OTULIN: variants seen among roughly 807,000 people sequenced by gnomAD.
OTULIN encodes the protein ubiquitin thioesterase otulin.
A neutral mutation model predicts 39.6 loss-of-function variants in OTULIN; 15 were observed. The ratio of observed to expected loss-of-function variants is 0.38; its 90% CI spans 0.25 to 0.58. The LOEUF is 0.58. OTULIN is among the 20% of genes least tolerant of loss of function. OTULIN has a pLI of 0.66. For synonymous variants in OTULIN, 156 were observed against 170.3 expected (o/e 0.92, Z 0.65); for missense variants, 319 against 445.9 (o/e 0.72, Z 2.56).
At chr5:14,703,983 G>A (rs1439783402), downstream of OTULIN, among the ~76,000 whole-genome samples, 1 of 152,092 alleles carries the variant, frequency 6.6e-6, no homozygotes, top group Non-Finnish European at 1.5e-5. Flanking sequence ...CTTATGAGGA[G>A]CTAAAAAAAA....
the OTULIN span, chr5:14,710,363 GAA>G: frequency 6.6e-6 from 1 of 152,226 alleles, no homozygotes; most frequent in Admixed American, 6.5e-5. Flanking sequence ...AAGCCTTCAG[GAA>G]AAGTCATGCG....
At chr5:14,687,694 T>A in intron 5 of OTULIN, 48 bp downstream of exon 5, 1 of 1,530,182 alleles carries the variant, frequency 6.5e-7, no homozygotes, top group South Asian at 1.3e-5. Flanking sequence ...GCTCTCGTTC[T>A]TGCTTGCCCC....
downstream of OTULIN, among the ~76,000 whole-genome samples, chr5:14,703,870 C>T (rs1379145760): frequency 6.6e-6 from 1 of 152,060 alleles, no homozygotes; most frequent in Admixed American, 6.5e-5. Flanking sequence ...GGGATTTTAA[C>T]AAAAGGAGCA....
intron 1 of OTULIN, among the ~76,000 whole-genome samples, chr5:14,671,439 C>G (rs569368112): frequency 1.3e-4 from 20 of 152,290 alleles, no homozygotes; most frequent in African/African-American, 3.6e-4. Context: ...GATAATGATA[C>G]TATGAAAGTG....
At chr5:14,679,357 A>G (rs1256339111) in intron 3 of OTULIN, among the ~76,000 whole-genome samples, 4 of 152,178 alleles carry the variant, frequency 2.6e-5, no homozygotes. Context: ...TACACCACAC[A>G]GCTGATCAAG....
intron 1 of OTULIN, among the ~76,000 whole-genome samples, chr5:14,666,028 G>T (rs889184439): frequency 6.6e-6 from 1 of 152,222 alleles, no homozygotes; most frequent in African/African-American, 2.4e-5. Context: ...AGACTCTGCA[G>T]AGGGTTAAAT....
At chr5:14,702,274 A>G (rs1307867893), downstream of OTULIN, among the ~76,000 whole-genome samples, 1 of 152,090 alleles carries the variant, frequency 6.6e-6, no homozygotes, top group African/African-American at 2.4e-5. Context: ...GTGTACAGGG[A>G]TGGGCTGAAG....
At chr5:14,713,750 C>T in the OTULIN span, 102 of 1,598,084 alleles carry the variant, frequency 6.4e-5, 1 homozygote, top group East Asian at 8.5e-4. The surrounding 1 kb of genome is among the most constrained non-coding windows in gnomAD (Gnocchi z 4.4). Flanking sequence ...GCAGCACATC[C>T]GAGAGCCAGG....
chr5:14,701,101 T>C (rs1372567350), downstream of OTULIN, among the ~76,000 whole-genome samples: 1 of 152,202 alleles, frequency 6.6e-6, no homozygotes, highest in Non-Finnish European at 1.5e-5. Context: ...GCCAGGGCTT[T>C]GTTCTCATTC....
chr5:14,716,238 A>G, the OTULIN span, among the ~76,000 whole-genome samples: 1 of 152,316 alleles, frequency 6.6e-6, no homozygotes. Flanking sequence ...GCAGTGGCTC[A>G]CGCCTGTAAT....
downstream of OTULIN, among the ~76,000 whole-genome samples, chr5:14,703,978 G>C (rs116000773): frequency 0.012 from 1,872 of 152,254 alleles, 39 homozygotes; most frequent in African/African-American, 0.042. Context: ...AATGTCTTAT[G>C]AGGAGCTAAA....
chr5:14,689,939 A>G (rs946966807), intron 5 of OTULIN, 100 bp from the exon 6 acceptor site: 15 of 1,232,392 alleles, frequency 1.2e-5, no homozygotes, highest in East Asian at 2.3e-5. Flanking sequence ...TAAGTGACCC[A>G]TGGTCACTTT....
At chr5:14,681,171 G>A (rs540322327) in intron 3 of OTULIN, among the ~76,000 whole-genome samples, 30 of 151,868 alleles carry the variant, frequency 2.0e-4, no homozygotes, top group African/African-American at 7.2e-4. Flanking sequence ...TGGAAACTTG[G>A]GGTTTTTCTA....
At chr5:14,673,055 G>T (rs750014457) in intron 1 of OTULIN, among the ~76,000 whole-genome samples, 2 of 152,138 alleles carry the variant, frequency 1.3e-5, no homozygotes, top group Non-Finnish European at 2.9e-5. Context: ...GGTAGTAGCG[G>T]ACAGTGGGAA....
chr5:14,694,869 A>G lies in OTULIN; in HGVS notation c.*1821A>G, dbSNP rs996096663. On this transcript the variant is annotated 3_prime_UTR_variant, in exon 7 of 7. Transcript: ENST00000284274. ...ATTGGCTTTGATTTTTCATTGCAGT[A>G]TATGGGATTGTACAGCAGGAAATGC... 8 of 152,676 alleles carry G rather than the reference A, an allele frequency of 5.2e-5. No homozygotes were observed. The highest frequency in any genetic ancestry group is 1.9e-4 in the African/African-American group (8 of 41,462). 9.5% of individuals were successfully genotyped at this position (152,676 alleles called of 1,614,324 possible).
At position 14,690,116 on chromosome 5, in the gene OTULIN, G is replaced by A. The variant is rs535588398; in HGVS notation, c.672G>A (p.Glu224=). ...ACDELFTNEA[E]EYSLYEAVKF... ...ATGAACTATTCACAAATGAGGCGGAGGAATATAGCCTCTATGAAGCTGTAA... is the reference window on the plus strand; with the variant it reads ...ATGAACTATTCACAAATGAGGCGGAAGAATATAGCCTCTATGAAGCTGTAA... Residue 224 remains glutamate (E), a synonymous_variant, in exon 6 of 7, where the codon GAG becomes GAA. Transcript: ENST00000284274. The surrounding 1 kb of genome is among the most constrained non-coding windows in gnomAD (Gnocchi z 4.5). 2 of 1,614,064 alleles carry A rather than the reference G, an allele frequency of 1.2e-6. No individual in the cohort carries two copies. The highest frequency in any genetic ancestry group is 2.2e-5 in the East Asian group (1 of 44,882).
At chr5:14,714,490 A>G in the OTULIN span, among the ~76,000 whole-genome samples, 1 of 152,224 alleles carries the variant, frequency 6.6e-6, no homozygotes, top group Non-Finnish European at 1.5e-5. Flanking sequence ...GCACCAGGCA[A>G]GGGCTCTTGG....
rs1019222550 is a variant in OTULIN at position 14,699,537 on chromosome 5, T to C, written c.*6489T>C. ...CACTTTTTCAGTGTCAGAAATGCAC[T>C]TTCTCCCTCTACTTGTCTGAATTAC... On this transcript the variant is annotated 3_prime_UTR_variant, in exon 7 of 7. Transcript: ENST00000284274. 2 of 152,242 alleles carry C rather than the reference T, an allele frequency of 1.3e-5. No homozygotes were observed. Among genetic ancestry groups the C allele is most frequent in the East Asian group, 1.9e-4 (1 of 5,204 alleles). The allele number at this position is 152,242 out of a possible 1,614,324, so 9.4% of individuals were successfully genotyped here. A position where few individuals can be genotyped will look rare whatever the true frequency, so the allele number is the denominator to read the frequency against.
Position 14,690,505 on chromosome 5 carries a change from T to G in OTULIN, c.864+197T>G, listed in dbSNP as rs1239800075. On this transcript the variant is annotated intron_variant, in intron 6 of 6. Coordinates refer to ENST00000284274, the MANE Select transcript of OTULIN (RefSeq NM_138348.6). This position sits in a 1 kb window ranked among gnomAD's most constrained non-coding sequence, Gnocchi z 4.5. ...CTTGACTGGGGCTGGAAGATCTACT[T>G]CCAGTGTTGTTCACTCATGTGGCTG... 6.6e-6 allele frequency among the ~76,000 whole-genome samples: 1 copy of G among 152,124 alleles called. No individual in the cohort carries two copies. The highest frequency in any genetic ancestry group is 1.9e-4 in the East Asian group (1 of 5,192).
Sources: allele counts gnomAD v4.1 joint callset (sites outside exome capture counted in the v4.1 genomes callset), GRCh38; gene constraint gnomAD v4.1.1; non-coding constraint Gnocchi (gnomAD v3.1); transcripts MANE v1.5; gene names NCBI Gene and HGNC (gene_info 2026-07-23, HGNC 2026-07-21).